Variants in MARCHF8 observed in about 807,000 individuals in gnomAD.
MARCHF8 encodes membrane associated ring-CH-type finger 8, also known as E3 ubiquitin-protein ligase MARCHF8.
Under a neutral mutation model 51.6 loss-of-function variants are expected in MARCHF8, and 40 were observed. That is an observed-to-expected ratio of 0.77 (90% CI 0.60 to 1.01). MARCHF8 has a LOEUF of 1.01. Among genes scored for constraint, MARCHF8 ranks in the 50% least tolerant of loss-of-function variants. The pLI is 0.00. For missense variants in MARCHF8, 685 were observed against 708.6 expected (o/e 0.97, Z 0.38); for synonymous variants, 263 against 280.3 (o/e 0.94, Z 0.62).
chr10:45,559,210 C>G (rs1443773177), intron 1 of MARCHF8, among the ~76,000 whole-genome samples: 1 of 152,202 alleles, frequency 6.6e-6, no homozygotes, highest in Non-Finnish European at 1.5e-5. Flanking sequence ...AATGCCATAA[C>G]ATATGTGAAA....
intron 3 of MARCHF8, among the ~76,000 whole-genome samples, chr10:45,480,335 G>A (rs2042862234): frequency 6.6e-6 from 1 of 152,210 alleles, no homozygotes; most frequent in Non-Finnish European, 1.5e-5. Flanking sequence ...TTTCTGAGGA[G>A]AAATTCAAGC....
intron 2 of MARCHF8, among the ~76,000 whole-genome samples, chr10:45,502,173 G>A (rs1358893764): frequency 6.6e-6 from 1 of 152,194 alleles, no homozygotes; most frequent in Non-Finnish European, 1.5e-5. Flanking sequence ...ACCTATAGGT[G>A]TCTATAGCAG....
intron 3 of MARCHF8, among the ~76,000 whole-genome samples, chr10:45,465,645 G>A (rs1212436217): frequency 6.6e-6 from 1 of 152,222 alleles, no homozygotes; most frequent in Non-Finnish European, 1.5e-5. Flanking sequence ...CCCATCGCAT[G>A]GCTGCTCCCA....
At chr10:45,577,427 C>A (rs368041439) in intron 1 of MARCHF8, among the ~76,000 whole-genome samples, 1 of 152,028 alleles carries the variant, frequency 6.6e-6, no homozygotes, top group Admixed American at 6.6e-5. Flanking sequence ...CCCTATTTGC[C>A]GCGATATGAT....
intron 3 of MARCHF8, among the ~76,000 whole-genome samples, chr10:45,465,740 T>A (rs745951673): frequency 3.3e-5 from 5 of 152,238 alleles, no homozygotes; most frequent in Non-Finnish European, 5.9e-5. Flanking sequence ...GCATGCTTCA[T>A]GTGTACACTG....
Position 45,520,252 on chromosome 10 carries a change from T to C in MARCHF8, c.102+12858A>G, listed in dbSNP as rs918709653. Among the ~76,000 whole-genome samples, 3 of 152,332 alleles carry C rather than the reference T, an allele frequency of 2.0e-5. No homozygotes were observed. In the East Asian group the frequency reaches 5.8e-4, roughly 29 times the overall value. ...GTAAATGATATGTAAGTGTTAGCCATTATTCGAAATATAAAAATTTTAATC... is the reference window on the plus strand; with the variant it reads ...GTAAATGATATGTAAGTGTTAGCCACTATTCGAAATATAAAAATTTTAATC... On this transcript the variant is annotated intron_variant, in intron 2 of 7. Coordinates refer to ENST00000453424, the MANE Select transcript of MARCHF8 (RefSeq NM_001282866.2).
intron 3 of MARCHF8, among the ~76,000 whole-genome samples, chr10:45,473,774 C>A (rs2042737394): frequency 1.3e-5 from 2 of 152,160 alleles, no homozygotes; most frequent in Non-Finnish European, 2.9e-5. Flanking sequence ...ACAGTCAACA[C>A]AATCTTGTGG....
upstream of MARCHF8, among the ~76,000 whole-genome samples, chr10:45,540,204 A>G (rs2044030747): frequency 6.6e-6 from 1 of 152,210 alleles, no homozygotes; most frequent in Admixed American, 6.5e-5. Flanking sequence ...AAGCTACTTT[A>G]AAGTTCATAT....
Position 45,489,445 on chromosome 10 carries a change from T to C in MARCHF8, c.103-28A>G, listed in dbSNP as rs769629178. The C allele has an allele frequency of 1.9e-6, 3 of 1,578,624 alleles. No homozygotes were observed. The African/African-American group carries it at 4.1e-5, about 21-fold the overall frequency. On this transcript the variant is annotated intron_variant, in intron 2 of 7. Coordinates refer to ENST00000453424, the MANE Select transcript of MARCHF8 (RefSeq NM_001282866.2). ...GCAAGAAAATCAAACAGGTTTTAAT[T>C]ATCAATCTTTGATTAAAATATGCAA...
intron 3 of MARCHF8, among the ~76,000 whole-genome samples, chr10:45,471,233 C>T (rs551383128): frequency 4.6e-5 from 7 of 152,184 alleles, no homozygotes; most frequent in South Asian, 2.1e-4. Context: ...TAAAGGGAGT[C>T]GGAATTACTT....
chr10:45,574,678 A>G (rs1589189865), intron 1 of MARCHF8, among the ~76,000 whole-genome samples: 1 of 152,326 alleles, frequency 6.6e-6, no homozygotes, highest in Non-Finnish European at 1.5e-5. Context: ...TTACTGTTTT[A>G]GCCTAGCCCT....
chr10:45,593,212 G>T (rs1365120459), intron 1 of MARCHF8, among the ~76,000 whole-genome samples: 1 of 148,820 alleles, frequency 6.7e-6, no homozygotes, highest in Non-Finnish European at 1.5e-5. Flanking sequence ...AGCAGACAAG[G>T]TGTAAAAGAG....
intron 1 of MARCHF8, among the ~76,000 whole-genome samples, chr10:45,557,696 G>A (rs2044267893): frequency 6.6e-6 from 1 of 152,186 alleles, no homozygotes; most frequent in Admixed American, 6.5e-5. Flanking sequence ...AAACGGAAGT[G>A]AGGAACCAAA....
At chr10:45,517,340 A>C (rs1324367964) in intron 2 of MARCHF8, among the ~76,000 whole-genome samples, 3 of 152,212 alleles carry the variant, frequency 2.0e-5, no homozygotes, top group Non-Finnish European at 4.4e-5. Context: ...TGTCTCCACC[A>C]AATCTCATGT....
intron 2 of MARCHF8, among the ~76,000 whole-genome samples, chr10:45,512,413 G>A (rs928506746): frequency 2.5e-4 from 37 of 148,326 alleles, no homozygotes; most frequent in East Asian, 1.9e-3. Flanking sequence ...TCAGCCCCCC[G>A]CCCGGCCAGC....
intron 2 of MARCHF8, among the ~76,000 whole-genome samples, chr10:45,492,267 A>G (rs560418416): frequency 1.7e-4 from 25 of 151,112 alleles, no homozygotes; most frequent in African/African-American, 4.9e-4. Flanking sequence ...CCCAATAAAC[A>G]CTGCTCTTTT....
intron 1 of MARCHF8, among the ~76,000 whole-genome samples, chr10:45,549,906 G>T (rs1435804431): frequency 6.6e-6 from 1 of 152,188 alleles, no homozygotes; most frequent in Non-Finnish European, 1.5e-5. Context: ...TTCCCAGGCT[G>T]CAGAACTGTA....
chr10:45,533,157 C>G lies in MARCHF8; in HGVS notation c.55G>C (p.Ala19Pro). Residue 19 changes from alanine to proline, a missense_variant, in exon 2 of 8, where the codon GCT (alanine) becomes CCT (proline). Transcript: ENST00000453424. ...SAIPSQDAISARVYRSKTKEK... is the reference protein window; with the variant it reads ...SAIPSQDAISPRVYRSKTKEK... ...TTGGTCTTACTTCTGTAGACTCTAGCAGAGATGGCATCCTGGGATGGAATG... is the reference window on the plus strand; with the variant it reads ...TTGGTCTTACTTCTGTAGACTCTAGGAGAGATGGCATCCTGGGATGGAATG... The G allele has an allele frequency of 6.2e-7, 1 of 1,613,010 alleles. No individual in the cohort carries two copies. Among genetic ancestry groups the G allele is most frequent in the African/African-American group, 1.3e-5 (1 of 75,002 alleles).
At chr10:45,579,586 G>A (rs1436390064) in intron 1 of MARCHF8, among the ~76,000 whole-genome samples, 1 of 152,008 alleles carries the variant, frequency 6.6e-6, no homozygotes, top group Non-Finnish European at 1.5e-5. Context: ...CTGTTAAATC[G>A]GTAATTTTCT....
Sources: allele counts gnomAD v4.1 joint callset (sites outside exome capture counted in the v4.1 genomes callset), GRCh38; gene constraint gnomAD v4.1.1; transcripts MANE v1.5; gene names NCBI Gene and HGNC (gene_info 2026-07-23, HGNC 2026-07-21).